GRIA1: variants seen among roughly 807,000 people sequenced by gnomAD.
GRIA1 encodes glutamate receptor 1.
GRIA1 carries 31 observed loss-of-function variants against 99.2 expected under a neutral mutation model. The ratio of observed to expected loss-of-function variants is 0.31; its 90% CI spans 0.23 to 0.42. GRIA1 has a LOEUF of 0.42. Among genes scored for constraint, GRIA1 ranks in the 10% least tolerant of loss-of-function variants. GRIA1 has a pLI of 1.00. For synonymous variants in GRIA1, 438 were observed against 432.4 expected (o/e 1.01, Z -0.16); for missense variants, 782 against 1,157.5 (o/e 0.68, Z 4.71).
chr5:153,758,469 G>A (rs1240539207), intron 11 of GRIA1, among the ~76,000 whole-genome samples: 2 of 151,590 alleles, frequency 1.3e-5, no homozygotes, highest in Non-Finnish European at 3.0e-5. Flanking sequence ...AGACAAAGAA[G>A]GCAATTATAT....
At chr5:153,777,140 A>G (rs1354477021) in intron 13 of GRIA1, among the ~76,000 whole-genome samples, 4 of 152,098 alleles carry the variant, frequency 2.6e-5, no homozygotes, top group Non-Finnish European at 4.4e-5. Context: ...GAGACTTCTG[A>G]TTTTGCAGAT....
chr5:153,700,049 G>A (rs900143572), intron 10 of GRIA1, among the ~76,000 whole-genome samples: 1 of 152,188 alleles, frequency 6.6e-6, no homozygotes, highest in Non-Finnish European at 1.5e-5. Flanking sequence ...AGTTTGTCTA[G>A]CCCTCAGTGG....
At chr5:153,612,724 C>G (rs995842865) in intron 2 of GRIA1, among the ~76,000 whole-genome samples, 1 of 152,166 alleles carries the variant, frequency 6.6e-6, no homozygotes, top group African/African-American at 2.4e-5. Flanking sequence ...TTCTACTTCC[C>G]ATTCCACTGA....
intron 2 of GRIA1, among the ~76,000 whole-genome samples, chr5:153,633,686 T>C (rs761974769): frequency 1.5e-4 from 23 of 152,026 alleles, no homozygotes; most frequent in Non-Finnish European, 1.2e-4. Flanking sequence ...TAGAGCTAAT[T>C]AAATCTCACT....
chr5:153,530,177 CA>C (rs891707051), intron 2 of GRIA1, among the ~76,000 whole-genome samples: 2 of 152,208 alleles, frequency 1.3e-5, no homozygotes, highest in East Asian at 1.9e-4. Flanking sequence ...ATCCCATAGG[CA>C]AAAAAACTCA....
chr5:153,780,331 C>CT (rs1369244417), intron 13 of GRIA1, among the ~76,000 whole-genome samples: 1 of 152,156 alleles, frequency 6.6e-6, no homozygotes, highest in Non-Finnish European at 1.5e-5. Context: ...TCAAATTCTG[C>CT]CTCCCGCATT....
chr5:153,689,573 G>A (rs1325323649), intron 8 of GRIA1, among the ~76,000 whole-genome samples: 1 of 152,176 alleles, frequency 6.6e-6, no homozygotes, highest in African/African-American at 2.4e-5. Context: ...TACTGAAGGT[G>A]CAACAAGTAA....
At chr5:153,614,919 G>A (rs1766341321) in intron 2 of GRIA1, among the ~76,000 whole-genome samples, 1 of 152,218 alleles carries the variant, frequency 6.6e-6, no homozygotes, top group Non-Finnish European at 1.5e-5. Context: ...AGAGTCAATT[G>A]AAGAGGCCTT....
At chr5:153,694,233 T>C (rs745823246) in intron 8 of GRIA1, among the ~76,000 whole-genome samples, 15 of 152,204 alleles carry the variant, frequency 9.9e-5, no homozygotes, top group Admixed American at 3.9e-4. Context: ...TTCTAAGCCA[T>C]ATACATCTGG....
Position 153,650,509 on chromosome 5 carries a change from G to A in GRIA1, c.640G>A (p.Gly214Ser), listed in dbSNP as rs765044041. ...CESERLNAIL[G>S]QIIKLEKNGI... ...ATCAGAACGCCTCAATGCTATCTTGGGCCAGGTAGTGAAAGCAGCAAGGGC... is the reference window on the plus strand; with the variant it reads ...ATCAGAACGCCTCAATGCTATCTTGAGCCAGGTAGTGAAAGCAGCAAGGGC... Residue 214 changes from glycine to serine, a missense_variant, in exon 4 of 16, where the codon GGC becomes AGC. Coordinates refer to ENST00000285900, the MANE Select transcript of GRIA1 (RefSeq NM_000827.4). The A allele has an allele frequency of 8.1e-5, 130 of 1,613,552 alleles. 1 individual carries two copies. In the East Asian group the frequency reaches 2.7e-3, roughly 34 times the overall value.
chr5:153,502,169 T>C (rs1561589884), intron 2 of GRIA1, among the ~76,000 whole-genome samples: 1 of 152,220 alleles, frequency 6.6e-6, no homozygotes, highest in Non-Finnish European at 1.5e-5. Context: ...TGGTCACGCT[T>C]ATCCCCAGGT....
At chr5:153,519,050 G>A (rs1273250943) in intron 2 of GRIA1, among the ~76,000 whole-genome samples, 1 of 152,152 alleles carries the variant, frequency 6.6e-6, no homozygotes, top group African/African-American at 2.4e-5. Flanking sequence ...AGATCACAAG[G>A]TCAGGAGATC....
At chr5:153,606,497 T>C (rs76846259) in intron 2 of GRIA1, among the ~76,000 whole-genome samples, 5,881 of 152,168 alleles carry the variant, frequency 0.039, 144 homozygotes, top group Non-Finnish European at 0.056. Flanking sequence ...AGAGTTGATA[T>C]CTTTACAATA....
At chr5:153,690,774 C>T (rs78349040) in intron 8 of GRIA1, among the ~76,000 whole-genome samples, 1,856 of 152,312 alleles carry the variant, frequency 0.012, 27 homozygotes, top group African/African-American at 0.04. Flanking sequence ...AACTTACCTT[C>T]CAATGGCCAA....
chr5:153,779,307 T>C (rs1764483280), intron 13 of GRIA1, among the ~76,000 whole-genome samples: 1 of 152,222 alleles, frequency 6.6e-6, no homozygotes, highest in Admixed American at 6.5e-5. Flanking sequence ...ACCCTGACTC[T>C]GAAATCCTCA....
At position 153,674,648 on chromosome 5, in the gene GRIA1, G is replaced by C; in HGVS notation, c.848G>C (p.Trp283Ser). ...GCTCGAGACCACACACGGGTGGACT[G>C]GAAGAGACCCAAGGTGAGTGGATGG... ...SDARDHTRVD[W>S]KRPKYTSALT... The change falls in exon 6 of 16, where the codon TGG becomes TCG. Residue 283 changes from tryptophan to serine, a missense_variant. This residue lies in a region of GRIA1 where 461 missense variants were observed against 521.7 expected (regional missense o/e 0.88). Coordinates refer to ENST00000285900, the MANE Select transcript of GRIA1 (RefSeq NM_000827.4). 2 of 1,614,024 alleles carry C rather than the reference G, an allele frequency of 1.2e-6. No homozygotes were observed. Among genetic ancestry groups the C allele is most frequent in the Non-Finnish European group, 1.7e-6 (2 of 1,179,914 alleles).
At chr5:153,653,298 C>G (rs752961710) in intron 4 of GRIA1, among the ~76,000 whole-genome samples, 1 of 152,152 alleles carries the variant, frequency 6.6e-6, no homozygotes, top group African/African-American at 2.4e-5. Context: ...AAAGGCATGT[C>G]AGGAGGCCCA....
At chr5:153,716,942 G>T (rs1434189928) in intron 11 of GRIA1, among the ~76,000 whole-genome samples, 1 of 152,210 alleles carries the variant, frequency 6.6e-6, no homozygotes, top group Non-Finnish European at 1.5e-5. Flanking sequence ...TAAAAAGCAG[G>T]AGATGGCTTA....
In GRIA1 at chr5:153,793,078, T is replaced by G. The variant is rs570847360; in HGVS notation, c.2271-1543T>G. 1.2e-3 allele frequency among the ~76,000 whole-genome samples: 183 copies of G among 152,366 alleles called. 1 individual carries two copies. Among genetic ancestry groups the G allele is most frequent in the African/African-American group, 4.2e-3 (174 of 41,594 alleles). On this transcript the variant is annotated intron_variant, in intron 13 of 15. Transcript: ENST00000285900. Reference sequence around the variant, plus strand: ...TAACGGTTATAGTAATCAGAGCTGCTGTGAGTCAAAAGTGTTTCCCAGGGA... The same window carrying G: ...TAACGGTTATAGTAATCAGAGCTGCGGTGAGTCAAAAGTGTTTCCCAGGGA...
Sources: gnomAD v4.1 joint callset for allele counts (sites outside exome capture counted in the v4.1 genomes callset) on GRCh38, gnomAD v4.1.1 for gene constraint, gnomAD v4.1.1 regional missense constraint, MANE v1.5 for transcripts, NCBI Gene and HGNC (gene_info 2026-07-23, HGNC 2026-07-21) for gene names.